PSMA1: variants seen among roughly 807,000 people sequenced by gnomAD.
PSMA1 encodes the protein proteasome 20S subunit alpha 1.
Under a neutral mutation model 38.4 loss-of-function variants are expected in PSMA1, and 3 were observed. That is an observed-to-expected ratio of 0.08 (90% confidence interval 0.04 to 0.20). The LOEUF is 0.20. Among genes scored for constraint, PSMA1 ranks in the 10% least tolerant of loss-of-function variants. The pLI is 1.00. For synonymous variants in PSMA1, 101 were observed against 107.1 expected (o/e 0.94, Z 0.35); for missense variants, 227 against 325.3 (o/e 0.70, Z 2.32).
At chr11:14,586,868 C>A (rs1295173202) in intron 2 of PSMA1, among the ~76,000 whole-genome samples, 4 of 152,036 alleles carry the variant, frequency 2.6e-5, no homozygotes, top group Non-Finnish European at 5.9e-5. Context: ...TCAAGCCATT[C>A]TCCTGCCTCA....
At chr11:14,528,826 C>A (rs566968092) in intron 2 of PSMA1, among the ~76,000 whole-genome samples, 4 of 152,140 alleles carry the variant, frequency 2.6e-5, no homozygotes, top group Non-Finnish European at 5.9e-5. Flanking sequence ...TAAGAAGGTT[C>A]TTTGTAATTC....
chr11:14,505,054 C>T lies in PSMA1; in HGVS notation c.*138G>A. The stretch of plus-strand genomic sequence containing the variant: ...TTTCAGTGAGGTTGCTTGGAAAAAA[C>T]TCACATCTGGACTGATTCCTAAAAC... On this transcript the variant is annotated 3_prime_UTR_variant, in exon 10 of 10. Coordinates refer to ENST00000396394, the MANE Select transcript of PSMA1 (RefSeq NM_002786.4). 3 of 772,904 alleles carry T rather than the reference C, an allele frequency of 3.9e-6. No individual in the cohort carries two copies. The highest frequency in any genetic ancestry group is 2.5e-5 in the East Asian group (1 of 40,456). The allele number at this position is 772,904 out of a possible 1,614,324, so 47.9% of individuals were successfully genotyped here.
chr11:14,620,067 CGT>C (rs141933385), intron 1 of PSMA1, among the ~76,000 whole-genome samples: 25 of 149,390 alleles, frequency 1.7e-4, no homozygotes, highest in African/African-American at 2.2e-4. Context: ...TGTGTGTGTG[CGT>C]GTGTGTGTGT....
chr11:14,552,985 C>A (rs1050024779), intron 2 of PSMA1, among the ~76,000 whole-genome samples: 1 of 151,880 alleles, frequency 6.6e-6, no homozygotes, highest in African/African-American at 2.4e-5. Flanking sequence ...ATCACGACAC[C>A]CAGCTAACTT....
chr11:14,513,393 A>G, intron 7 of PSMA1, 177 bp downstream of exon 7: 3 of 645,142 alleles, frequency 4.7e-6, no homozygotes, highest in Middle Eastern at 9.7e-4. Flanking sequence ...TGTGGTAACC[A>G]GAAGTTAAGA....
chr11:14,616,950 T>A (rs1852781126), intron 1 of PSMA1, among the ~76,000 whole-genome samples: 1 of 152,178 alleles, frequency 6.6e-6, no homozygotes, highest in East Asian at 1.9e-4. Context: ...TTTGTATCTA[T>A]GAACAAAAGG....
chr11:14,507,848 C>T, intron 8 of PSMA1, 82 bp from the exon 9 acceptor site: 1 of 946,586 alleles, frequency 1.1e-6, no homozygotes, highest in Non-Finnish European at 1.6e-6. Flanking sequence ...GTGAAAAAAG[C>T]AGAATAAGAA....
intron 1 of PSMA1, among the ~76,000 whole-genome samples, chr11:14,633,264 G>A (rs1435669230): frequency 1.3e-5 from 2 of 152,000 alleles, no homozygotes; most frequent in Non-Finnish European, 2.9e-5. Context: ...CCATCTTTGT[G>A]GTTTTTATCT....
chr11:14,575,858 T>G (rs2134180805), intron 2 of PSMA1, among the ~76,000 whole-genome samples: 1 of 152,348 alleles, frequency 6.6e-6, no homozygotes, highest in African/African-American at 2.4e-5. Context: ...ATGGTTGAAC[T>G]AGTTTACAGT....
intron 4 of PSMA1, among the ~76,000 whole-genome samples, chr11:14,515,061 G>T (rs1302757402): frequency 6.6e-6 from 1 of 152,208 alleles, no homozygotes; most frequent in Non-Finnish European, 1.5e-5. Context: ...ACATTGGGGA[G>T]AAGAGAATTT....
chr11:14,642,416 A>T (rs553432842), intron 1 of PSMA1, among the ~76,000 whole-genome samples: 4 of 152,334 alleles, frequency 2.6e-5, no homozygotes, highest in African/African-American at 9.6e-5. Flanking sequence ...AATACATTAG[A>T]AAAGGAAAAG....
chr11:14,509,746 G>C (rs11023244), intron 8 of PSMA1, among the ~76,000 whole-genome samples: 1 of 125,124 alleles, frequency 8.0e-6, no homozygotes. Context: ...ACGGAGTCTC[G>C]CTCTGTCGCC....
chr11:14,565,581 T>C (rs935181927), intron 2 of PSMA1, among the ~76,000 whole-genome samples: 2 of 152,234 alleles, frequency 1.3e-5, no homozygotes, highest in African/African-American at 4.8e-5. Context: ...ATCTGCTATG[T>C]TTATAGCTAC....
At chr11:14,611,271 A>G in intron 1 of PSMA1, 1 of 386,818 alleles carries the variant, frequency 2.6e-6, no homozygotes, top group Non-Finnish European at 4.6e-6. Flanking sequence ...AAGTAGATAC[A>G]GGCCAGGAGA....
In PSMA1 at chr11:14,537,799, C is replaced by G. The variant is rs374730696; in HGVS notation, c.22-18758G>C. ...TCTCAGCTCCCTGCAACTTCCATCTCCCAGGTTCAAGTGATTCTCATGCCT... is the reference window on the plus strand; with the variant it reads ...TCTCAGCTCCCTGCAACTTCCATCTGCCAGGTTCAAGTGATTCTCATGCCT... On this transcript the variant is annotated intron_variant, in intron 2 of 10. Transcript: ENST00000418988. Among the ~76,000 whole-genome samples, 10 of 150,886 alleles carry G rather than the reference C, an allele frequency of 6.6e-5. No individual in the cohort carries two copies. The East Asian group carries it at 1.4e-3, about 21-fold the overall frequency.
At position 14,517,684 on chromosome 11, in the gene PSMA1, C is replaced by A; in HGVS notation, c.212G>T (p.Gly71Val). ...KKILHVDNHI[G>V]ISIAGLTADA... ...AGCAGTAAGCCCCGCAATTGAGATA[C>A]CAATATGGTTGTCAACATGGAGAAT... The change falls in exon 4 of 10, where the codon GGT becomes GTT. Residue 71 changes from glycine to valine, a missense_variant. Gly to Val is a moderately radical substitution (Grantham distance 109, BLOSUM62 -3). Coordinates refer to ENST00000396394, the MANE Select transcript of PSMA1 (RefSeq NM_002786.4). 1 of 1,608,632 alleles carries A rather than the reference C, an allele frequency of 6.2e-7. No homozygotes were observed.
chr11:14,524,977 G>T (rs1036840932), upstream of PSMA1, among the ~76,000 whole-genome samples: 1 of 152,104 alleles, frequency 6.6e-6, no homozygotes, highest in African/African-American at 2.4e-5. Context: ...CTTCTCGGAA[G>T]CCTCCTGGAC....
At chr11:14,526,872 T>C (rs1772177037) in intron 2 of PSMA1, among the ~76,000 whole-genome samples, 1 of 152,176 alleles carries the variant, frequency 6.6e-6, no homozygotes, top group Non-Finnish European at 1.5e-5. Context: ...GGCTATGCTA[T>C]AGTATCTTCC....
intron 2 of PSMA1, among the ~76,000 whole-genome samples, chr11:14,546,150 CTTTTT>C (rs57094424): frequency 7.1e-6 from 1 of 140,504 alleles, no homozygotes. Flanking sequence ...CTCTCTCTCT[CTTTTT>C]TTTTTTTTTA....
Sources: gnomAD v4.1 joint callset for allele counts (sites outside exome capture counted in the v4.1 genomes callset) on GRCh38, gnomAD v4.1.1 for gene constraint, MANE v1.5 for transcripts, NCBI Gene and HGNC (gene_info 2026-07-23, HGNC 2026-07-21) for gene names.